The following ADCY2 variants were observed in gnomAD, a reference collection of about 807,000 sequenced individuals.
ADCY2 encodes the protein adenylate cyclase 2.
Under a neutral mutation model 125.2 loss-of-function variants are expected in ADCY2, and 31 were observed. The observed-to-expected ratio is 0.25, with a 90% confidence interval of 0.19 to 0.33. The LOEUF is 0.33. ADCY2 is among the 10% of genes least tolerant of loss of function. The pLI, the probability that ADCY2 is intolerant of heterozygous loss-of-function variation, is 1.00. For synonymous variants in ADCY2, 512 were observed against 548.4 expected, an observed-to-expected ratio of 0.93 and a Z score of 0.93; for missense variants, 904 against 1,418.2, an observed-to-expected ratio of 0.64 and a Z score of 5.82.
At chr5:7,458,598 A>G (rs1455804622) in intron 2 of ADCY2, among the ~76,000 whole-genome samples, 2 of 152,170 alleles carry the variant, frequency 1.3e-5, no homozygotes, top group African/African-American at 4.8e-5. Context: ...CAGCTGGCGT[A>G]TGTTAATGGC....
intron 3 of ADCY2, among the ~76,000 whole-genome samples, chr5:7,623,546 C>T (rs1452291247): frequency 1.3e-5 from 2 of 152,168 alleles, no homozygotes; most frequent in African/African-American, 4.8e-5. Flanking sequence ...GTGGAGGGTC[C>T]CCTCTAATCG....
intron 2 of ADCY2, among the ~76,000 whole-genome samples, chr5:7,449,164 G>A (rs1001671942): frequency 3.3e-5 from 5 of 151,908 alleles, no homozygotes; most frequent in Non-Finnish European, 7.4e-5. Context: ...TCTGATAATC[G>A]CCATTCTGAC....
chr5:7,693,249 C>T (rs1051629046), intron 5 of ADCY2, among the ~76,000 whole-genome samples: 1 of 151,974 alleles, frequency 6.6e-6, no homozygotes, highest in African/African-American at 2.4e-5. Context: ...AACTGACCTG[C>T]CTGCGTCCAG....
At chr5:7,627,441 A>T (rs1035522680) in intron 4 of ADCY2, among the ~76,000 whole-genome samples, 2 of 152,182 alleles carry the variant, frequency 1.3e-5, no homozygotes, top group African/African-American at 4.8e-5. Flanking sequence ...GTGATGGCAG[A>T]TATCCATGTG....
rs201949954 is a variant in ADCY2 at position 7,505,360 on chromosome 5, G to A, written c.409-15378G>A. 9.2e-5 allele frequency among the ~76,000 whole-genome samples: 14 copies of A among 152,146 alleles called. No individual in the cohort carries two copies. The East Asian group carries it at 1.2e-3, about 13-fold the overall frequency. On this transcript the variant is annotated intron_variant, in intron 2 of 24. Coordinates refer to ENST00000338316, the MANE Select transcript of ADCY2 (RefSeq NM_020546.3). ...ATAAGGCTTAGAAAGACCACGTCCC[G>A]TGCAAATCATGGAGTCCCATATAAA...
Position 7,520,852 on chromosome 5 carries a change from G to C in ADCY2, c.523G>C (p.Val175Leu). 6.2e-7 allele frequency: 1 copy of C among 1,614,122 alleles called. No individual in the cohort carries two copies. Among genetic ancestry groups the C allele is most frequent in the East Asian group, 2.2e-5 (1 of 44,868 alleles). ...TSSSHTIVLSVCLSATPGGKE... is the reference protein window; with the variant it reads ...TSSSHTIVLSLCLSATPGGKE... ...CTCCTCCCACACCATCGTGCTTAGC[G>C]TCTGCCTGTCTGCAACACCGGGAGG... The change falls in exon 3 of 25, where the codon GTC becomes CTC. Residue 175 changes from valine to leucine, a missense_variant. Around this residue, in one of 7 missense-constraint regions of ADCY2, gnomAD observed 121 missense variants for 161.5 expected, o/e 0.75. Transcript: ENST00000338316.
intron 3 of ADCY2, among the ~76,000 whole-genome samples, chr5:7,584,211 A>G (rs1445360626): frequency 6.6e-6 from 1 of 152,118 alleles, no homozygotes; most frequent in Non-Finnish European, 1.5e-5. Context: ...TTGGATTGGG[A>G]TAGTCCTAAA....
At chr5:7,591,607 C>G (rs548044658) in intron 3 of ADCY2, among the ~76,000 whole-genome samples, 1 of 152,246 alleles carries the variant, frequency 6.6e-6, no homozygotes, top group African/African-American at 2.4e-5. Flanking sequence ...GTATAAGTCT[C>G]CATCCTTCCT....
intron 6 of ADCY2, 100 bp downstream of exon 6, chr5:7,695,963 C>A (rs1045447411): frequency 5.9e-6 from 4 of 672,324 alleles, no homozygotes; most frequent in African/African-American, 3.8e-5. Context: ...ATAAAAGCAT[C>A]CTTTAGGAAC....
At chr5:7,770,683 G>T (rs1330865332) in intron 17 of ADCY2, among the ~76,000 whole-genome samples, 2 of 152,152 alleles carry the variant, frequency 1.3e-5, no homozygotes, top group Non-Finnish European at 2.9e-5. Flanking sequence ...AATCCGAGGG[G>T]ACAGGATCAC....
intron 3 of ADCY2, among the ~76,000 whole-genome samples, chr5:7,608,513 TTGCAGTGAGC>T (rs1737462816): frequency 6.6e-6 from 1 of 151,944 alleles, no homozygotes; most frequent in African/African-American, 2.4e-5. Flanking sequence ...GAGGAGGAGG[TTGCAGTGAGC>T]TGAGATCACA....
intron 22 of ADCY2, among the ~76,000 whole-genome samples, chr5:7,805,818 T>A (rs1744743161): frequency 6.6e-6 from 1 of 152,070 alleles, no homozygotes; most frequent in South Asian, 2.1e-4. Context: ...GGGCAAAGAG[T>A]AGAACATGGA....
intron 12 of ADCY2, among the ~76,000 whole-genome samples, chr5:7,723,388 T>A (rs543387010): frequency 6.6e-6 from 1 of 152,302 alleles, no homozygotes; most frequent in South Asian, 2.1e-4. Flanking sequence ...CCCTGTGGGA[T>A]GGTCTAGTTC....
chr5:7,695,020 TTTGTGAA>T (rs2126319717), intron 5 of ADCY2, among the ~76,000 whole-genome samples: 1 of 152,380 alleles, frequency 6.6e-6, no homozygotes, highest in East Asian at 1.9e-4. Flanking sequence ...ACATATTCAC[TTTGTGAA>T]TCTCAAACCA....
At chr5:7,484,805 G>C (rs1742864379) in intron 2 of ADCY2, among the ~76,000 whole-genome samples, 1 of 152,132 alleles carries the variant, frequency 6.6e-6, no homozygotes, top group Non-Finnish European at 1.5e-5. Flanking sequence ...CTCTCTGCTA[G>C]ATGTTTTCCT....
chr5:7,643,608 A>AT (rs146727541), intron 4 of ADCY2, among the ~76,000 whole-genome samples: 6,431 of 150,352 alleles, frequency 0.043, 434 homozygotes, highest in African/African-American at 0.14. Flanking sequence ...TATTTTGGTG[A>AT]TTTTTTTTTC....
At chr5:7,423,967 C>T (rs543369427) in intron 2 of ADCY2, among the ~76,000 whole-genome samples, 6 of 152,056 alleles carry the variant, frequency 3.9e-5, no homozygotes, top group South Asian at 2.1e-4. Flanking sequence ...TTAAGGAGTC[C>T]GATGTAAATT....
At chr5:7,621,634 C>G (rs1419652264) in intron 3 of ADCY2, among the ~76,000 whole-genome samples, 2 of 152,172 alleles carry the variant, frequency 1.3e-5, no homozygotes, top group Non-Finnish European at 2.9e-5. Context: ...GATTGCGCTG[C>G]TCTCTGTACT....
At chr5:7,554,754 G>A (rs1735450536) in intron 3 of ADCY2, among the ~76,000 whole-genome samples, 1 of 152,152 alleles carries the variant, frequency 6.6e-6, no homozygotes, top group Admixed American at 6.6e-5. Context: ...CAAGCCTGGA[G>A]CACATGGTTC....
Sources: gnomAD v4.1 joint callset for allele counts (sites outside exome capture counted in the v4.1 genomes callset) on GRCh38, gnomAD v4.1.1 for gene constraint, gnomAD v4.1.1 regional missense constraint, MANE v1.5 for transcripts, NCBI Gene and HGNC (gene_info 2026-07-23, HGNC 2026-07-21) for gene names.